The following SPG11 variants were observed in gnomAD, a reference collection of about 807,000 sequenced individuals.
SPG11 encodes SPG11 vesicle trafficking associated, spatacsin, also known as spatacsin.
In SPG11, 222 loss-of-function variants were observed where a neutral mutation model predicts 274.0. The ratio of observed to expected loss-of-function variants is 0.81; its 90% CI spans 0.73 to 0.91. SPG11 has a LOEUF of 0.91. SPG11 is among the 40% of genes least tolerant of loss of function. The pLI is 0.00. For missense variants in SPG11, 3,114 were observed against 2,872.7 expected (o/e 1.08, Z -1.92); for synonymous variants, 1,144 against 1,039.7 (o/e 1.10, Z -1.93).
chr15:44,592,984 C>CAAA (rs966388849), intron 26 of SPG11, among the ~76,000 whole-genome samples: 1 of 117,394 alleles, frequency 8.5e-6, no homozygotes, highest in Non-Finnish European at 1.8e-5. Context: ...GACTCTGCCT[C>CAAA]AAAAAAAAAA....
Position 44,585,549 on chromosome 15 carries a change from C to A in SPG11, c.5121+87G>T, listed in dbSNP as rs575360392. The A allele has an allele frequency of 4.6e-6, 5 of 1,088,166 alleles. No homozygotes were observed. In the African/African-American group the frequency reaches 6.6e-5, roughly 14 times the overall value. The allele number at this position is 1,088,166 out of a possible 1,614,324, so 67.4% of individuals were successfully genotyped here. A position where few individuals can be genotyped will look rare whatever the true frequency, so the allele number is the denominator to read the frequency against. ...CCCGAGAGGCGGAGCTTGCAGCGAG[C>A]GGAGATCGCGCCACTGCACTCCAGC... On this transcript the variant is annotated intron_variant, in intron 29 of 39. Coordinates refer to ENST00000261866, the MANE Select transcript of SPG11 (RefSeq NM_025137.4).
chr15:44,585,458 C>T (rs1193110946), intron 29 of SPG11, among the ~76,000 whole-genome samples, 178 bp downstream of exon 29: 4 of 150,290 alleles, frequency 2.7e-5, no homozygotes. Context: ...AAAATTCAGC[C>T]GGGCATGGTG....
chr15:44,582,763 A>G (rs555800783), intron 30 of SPG11, among the ~76,000 whole-genome samples: 3 of 148,558 alleles, frequency 2.0e-5, no homozygotes, highest in Non-Finnish European at 4.4e-5. Flanking sequence ...AGTCTAACGA[A>G]AAAAAAAACC....
At chr15:44,663,174 A>T (rs2085167955) in intron 1 of SPG11, among the ~76,000 whole-genome samples, 1 of 152,202 alleles carries the variant, frequency 6.6e-6, no homozygotes, top group African/African-American at 2.4e-5. Context: ...GGAACAGGAG[A>T]GCTGGGCTGC....
At chr15:44,587,720 ACG>A (rs2082803594) in intron 28 of SPG11, among the ~76,000 whole-genome samples, 1 of 146,290 alleles carries the variant, frequency 6.8e-6, no homozygotes, top group African/African-American at 2.5e-5. Flanking sequence ...AAAAAAAAAA[ACG>A]TATTCCTGTT....
intron 1 of SPG11, among the ~76,000 whole-genome samples, chr15:44,662,804 T>C (rs966960877): frequency 2.0e-5 from 3 of 152,148 alleles, no homozygotes; most frequent in African/African-American, 7.2e-5. Flanking sequence ...TCCCCAAACA[T>C]GCGCGCCTCG....
intron 25 of SPG11, among the ~76,000 whole-genome samples, 182 bp from the exon 26 acceptor site, chr15:44,595,641 C>T (rs1182750668): frequency 6.6e-6 from 1 of 152,196 alleles, no homozygotes; most frequent in African/African-American, 2.4e-5. Flanking sequence ...AACTGTCCTG[C>T]AGAGTGTTGC....
intron 8 of SPG11, 72 bp downstream of exon 8, chr15:44,633,430 CACA>C (rs761006233): frequency 2.9e-6 from 3 of 1,044,778 alleles, no homozygotes; most frequent in Non-Finnish European, 3.8e-6. Flanking sequence ...CATCAGAAAA[CACA>C]ACATCATACT....
chr15:44,632,680 A>C (rs946702154), intron 8 of SPG11, among the ~76,000 whole-genome samples: 2 of 151,984 alleles, frequency 1.3e-5, no homozygotes, highest in African/African-American at 4.8e-5. Flanking sequence ...ACTAATTTTT[A>C]AAATTCTTTT....
At position 44,645,843 on chromosome 15, in the gene SPG11, A is replaced by C. The variant is rs147479355; in HGVS notation, c.1602+3023T>G. 5.9e-3 allele frequency among the ~76,000 whole-genome samples: 896 copies of C among 152,352 alleles called. 17 individuals carry two copies. The highest frequency in any genetic ancestry group is 0.021 in the African/African-American group (854 of 41,580). On this transcript the variant is annotated intron_variant, in intron 7 of 39. Coordinates refer to ENST00000261866, the MANE Select transcript of SPG11 (RefSeq NM_025137.4). ...CCTTTCATGTCCTTCTCTTTTCAAA[A>C]GAAGACATACACATAACCAATAAGC...
chr15:44,595,691 C>T (rs577479693), intron 25 of SPG11, among the ~76,000 whole-genome samples: 1 of 152,290 alleles, frequency 6.6e-6, no homozygotes, highest in Non-Finnish European at 1.5e-5. Flanking sequence ...GGGGTATATG[C>T]AAAAGTCAGG....
In SPG11 at chr15:44,566,008, T is replaced by A. The variant is rs1394102742; in HGVS notation, c.6845A>T (p.Asp2282Val). The A allele has an allele frequency of 6.2e-7, 1 of 1,613,254 alleles. No homozygotes were observed. Among genetic ancestry groups the A allele is most frequent in the Non-Finnish European group, 8.5e-7 (1 of 1,179,932 alleles). Reference protein sequence around the residue: ...MLDAAESYAKDSCVRQAQHCQ... With the variant: ...MLDAAESYAKVSCVRQAQHCQ... Reference sequence around the variant, plus strand: ...GTGCTGGGCCTGTCGCACACAGGAGTCCTGAGGAACAAGGGTGGAGAGGCA... The same window carrying A: ...GTGCTGGGCCTGTCGCACACAGGAGACCTGAGGAACAAGGGTGGAGAGGCA... Residue 2282 changes from aspartate (D) to valine (V), a missense_variant and splice_region_variant, in exon 38 of 40, where the codon GAC becomes GTC. By Grantham distance (152) the Asp-to-Val change is radical. Transcript: ENST00000261866.
Position 44,657,082 on chromosome 15 carries a change from G to A in SPG11, c.869+13C>T. 6.2e-7 allele frequency: 1 copy of A among 1,611,904 alleles called. No homozygotes were observed. The highest frequency in any genetic ancestry group is 8.5e-7 in the Non-Finnish European group (1 of 1,178,530). ...TATTTACCTCAAATTAGAAACTGCAGTCATCTACATACCTGAAATACAAAT... is the reference window on the plus strand; with the variant it reads ...TATTTACCTCAAATTAGAAACTGCAATCATCTACATACCTGAAATACAAAT... On this transcript the variant is annotated intron_variant, in intron 4 of 39. Coordinates refer to ENST00000261866, the MANE Select transcript of SPG11 (RefSeq NM_025137.4).
intron 6 of SPG11, among the ~76,000 whole-genome samples, chr15:44,650,004 T>C (rs13380093): frequency 0.02 from 2,988 of 152,204 alleles, 111 homozygotes; most frequent in African/African-American, 0.068. Context: ...TTTACTATTA[T>C]AAAATAATTC....
intron 34 of SPG11, 141 bp downstream of exon 34, chr15:44,570,384 C>T (rs1047520884): frequency 1.8e-5 from 19 of 1,072,140 alleles, no homozygotes; most frequent in African/African-American, 4.7e-5. Flanking sequence ...GTTGGGCTGC[C>T]CAGCCAACTC....
At chr15:44,618,804 C>T (rs987221862) in intron 15 of SPG11, among the ~76,000 whole-genome samples, 5 of 149,142 alleles carry the variant, frequency 3.4e-5, no homozygotes, top group African/African-American at 9.9e-5. Flanking sequence ...TGGGTGACAG[C>T]GAGACTCCAT....
intron 2 of SPG11, 59 bp downstream of exon 2, chr15:44,660,373 T>A: frequency 6.7e-7 from 1 of 1,501,756 alleles, no homozygotes; most frequent in Admixed American, 1.7e-5. Flanking sequence ...CTGAAGTATG[T>A]AACTACATGG....
At chr15:44,565,234 C>T (rs529810497) in intron 38 of SPG11, among the ~76,000 whole-genome samples, 1 of 152,286 alleles carries the variant, frequency 6.6e-6, no homozygotes, top group South Asian at 2.1e-4. Context: ...GAGGTTCTTG[C>T]AGGACCACCA....
chr15:44,569,422 C>T lies in SPG11; in HGVS notation c.6561G>A (p.Val2187=), dbSNP rs376951822. 73 of 1,605,144 alleles carry T rather than the reference C, an allele frequency of 4.5e-5. No homozygotes were observed. Among genetic ancestry groups the T allele is most frequent in the Non-Finnish European group, 6.0e-5 (71 of 1,175,154 alleles). The stretch of plus-strand genomic sequence containing the variant: ...CCGGATCCAACTTCTTCCTCATTAG[C>T]ACTTCAAAGTAGTGCTTTTTATGCA... ...DLLHKKHYFE[V]LMRKKLDPSG... is the part of the protein sequence containing the mutation. The change falls in exon 35 of 40, where the codon GTG becomes GTA. Residue 2187 remains valine (V), a synonymous_variant. Coordinates refer to ENST00000261866, the MANE Select transcript of SPG11 (RefSeq NM_025137.4).
Sources: allele counts gnomAD v4.1 joint callset (sites outside exome capture counted in the v4.1 genomes callset), GRCh38; gene constraint gnomAD v4.1.1; transcripts MANE v1.5; gene names NCBI Gene and HGNC (gene_info 2026-07-23, HGNC 2026-07-21).